Variants in PDE12 observed in about 807,000 individuals in gnomAD.
The protein encoded by PDE12 is 2',5'-phosphodiesterase 12.
PDE12 carries 26 observed loss-of-function variants against 45.4 expected under a neutral mutation model. The ratio of observed to expected loss-of-function variants is 0.57; its 90% CI spans 0.42 to 0.79. The LOEUF is 0.79. Among genes scored for constraint, PDE12 ranks in the 30% least tolerant of loss-of-function variants. The probability of loss-of-function intolerance (pLI) is 0.00; values close to 1 mark genes in which losing one functional copy is unlikely to be tolerated. For synonymous variants in PDE12, 283 were observed against 323.9 expected, an observed-to-expected ratio of 0.87 and a Z score of 1.36; for missense variants, 668 against 790.0, an observed-to-expected ratio of 0.85 and a Z score of 1.85.
the PDE12 span, among the ~76,000 whole-genome samples, chr3:57,624,910 T>A: frequency 6.6e-6 from 1 of 152,030 alleles, no homozygotes; most frequent in African/African-American, 2.4e-5. Context: ...CTAAAATAAT[T>A]ATTTTTTTGA....
the PDE12 span, among the ~76,000 whole-genome samples, chr3:57,580,642 T>G: frequency 6.6e-6 from 1 of 151,996 alleles, no homozygotes; most frequent in East Asian, 1.9e-4. Context: ...GATCCTCGTA[T>G]CATGGCCTCC....
the PDE12 span, among the ~76,000 whole-genome samples, chr3:57,620,751 C>T: frequency 3.3e-5 from 5 of 151,904 alleles, no homozygotes; most frequent in Admixed American, 2.0e-4. Flanking sequence ...AAATATGATA[C>T]GCTTAGAGAT....
the PDE12 span, chr3:57,628,689 A>G: frequency 5.0e-6 from 5 of 1,005,268 alleles, no homozygotes; most frequent in Non-Finnish European, 7.4e-6. Flanking sequence ...TCAATTGACC[A>G]ATTTCAAGCC....
the PDE12 span, among the ~76,000 whole-genome samples, chr3:57,590,624 A>G: frequency 1.3e-3 from 199 of 152,340 alleles, 3 homozygotes; most frequent in Admixed American, 0.012. Flanking sequence ...TATCTTTCAA[A>G]TTATCTACAA....
At chr3:57,603,329 GTTTATTT>G in the PDE12 span, among the ~76,000 whole-genome samples, 1 of 151,590 alleles carries the variant, frequency 6.6e-6, no homozygotes. Context: ...ATATTTTCAT[GTTTATTT>G]TTTATTTATT....
chr3:57,626,730 C>T, the PDE12 span: 3 of 152,186 alleles, frequency 2.0e-5, no homozygotes, highest in South Asian at 4.2e-4. Context: ...AAAGTGGCTT[C>T]TGTAGGATAC....
At chr3:57,573,420 CCAGTTT>C in the PDE12 span, among the ~76,000 whole-genome samples, 1 of 151,966 alleles carries the variant, frequency 6.6e-6, no homozygotes, top group South Asian at 2.1e-4. Context: ...ATTTTTTTGA[CCAGTTT>C]AATGTTGCAA....
At position 57,565,890 on chromosome 3, in the gene PDE12, T is replaced by A. The variant is rs748365848; in HGVS notation, c.*5886T>A. 3 of 152,132 alleles carry A rather than the reference T, an allele frequency of 2.0e-5. No individual in the cohort carries two copies. The highest frequency in any genetic ancestry group is 4.4e-5 in the Non-Finnish European group (3 of 68,030). 9.4% of individuals were successfully genotyped at this position (152,132 alleles called of 1,614,324 possible). A position where few individuals can be genotyped will look rare whatever the true frequency, so the allele number is the denominator to read the frequency against. On this transcript the variant is annotated 3_prime_UTR_variant, in exon 3 of 3. Coordinates refer to ENST00000311180, the MANE Select transcript of PDE12 (RefSeq NM_177966.7). ...TGGAATAGTTTGGAGAAATGGTACATCCAAAGATAAAATCAGTTAGAAATA... is the reference window on the plus strand; with the variant it reads ...TGGAATAGTTTGGAGAAATGGTACAACCAAAGATAAAATCAGTTAGAAATA...
rs1253064794 is a variant in PDE12 at position 57,556,657 on chromosome 3, A to T, written c.278A>T (p.Lys93Met). 1.2e-6 allele frequency: 2 copies of T among 1,600,398 alleles called. No individual in the cohort carries two copies. Among genetic ancestry groups the T allele is most frequent in the Non-Finnish European group, 8.5e-7 (1 of 1,170,420 alleles). The change falls in exon 1 of 3, where the codon AAG becomes ATG. Residue 93 changes from lysine to methionine, a missense_variant. This residue lies in a region of PDE12 where 580 missense variants were observed against 662.9 expected (regional missense o/e 0.87). Coordinates refer to ENST00000311180, the MANE Select transcript of PDE12 (RefSeq NM_177966.7). This position sits in a 1 kb window ranked among gnomAD's most constrained non-coding sequence, Gnocchi z 5.0. ...LKGHAKAAAA[K>M]KSRKSRPNAS... ...GGTCACGCTAAGGCGGCCGCCGCCA[A>T]GAAGAGCAGGAAGAGCCGGCCGAAT...
the PDE12 span, among the ~76,000 whole-genome samples, chr3:57,622,037 A>T: frequency 1.3e-5 from 2 of 152,056 alleles, no homozygotes; most frequent in Non-Finnish European, 2.9e-5. Context: ...TTAGCCAGGC[A>T]TGCTGGCGGG....
chr3:57,627,565 AAATC>A, the PDE12 span: 1 of 152,262 alleles, frequency 6.6e-6, no homozygotes, highest in Admixed American at 6.5e-5. Context: ...AAAATAATGA[AAATC>A]TATATGACAA....
At chr3:57,649,641 A>T in the PDE12 span, among the ~76,000 whole-genome samples, 13,427 of 102,526 alleles carry the variant, frequency 0.13, 771 homozygotes, top group African/African-American at 0.22. Flanking sequence ...AAAAAAAAAA[A>T]ATATATATAT....
At chr3:57,649,289 C>A in the PDE12 span, among the ~76,000 whole-genome samples, 1 of 152,090 alleles carries the variant, frequency 6.6e-6, no homozygotes, top group African/African-American at 2.4e-5. Flanking sequence ...AAATGCAAAT[C>A]AAACCCACAA....
At chr3:57,595,759 G>A in the PDE12 span, among the ~76,000 whole-genome samples, 3 of 152,192 alleles carry the variant, frequency 2.0e-5, no homozygotes, top group African/African-American at 7.2e-5. Flanking sequence ...GACCAGACTG[G>A]CCAACGTGGT....
chr3:57,612,234 C>A, the PDE12 span, among the ~76,000 whole-genome samples: 93 of 114,996 alleles, frequency 8.1e-4, no homozygotes, highest in African/African-American at 2.9e-3. Flanking sequence ...CACACCAGGG[C>A]CTGTTGTGGG....
chr3:57,634,485 G>T, the PDE12 span: 2 of 803,668 alleles, frequency 2.5e-6, no homozygotes, highest in Non-Finnish European at 1.8e-6. Flanking sequence ...TATACATAAA[G>T]GACATATTGC....
the PDE12 span, among the ~76,000 whole-genome samples, chr3:57,600,422 T>G: frequency 2.0e-5 from 3 of 150,490 alleles, no homozygotes; most frequent in Non-Finnish European, 4.4e-5. Flanking sequence ...CTTCCTTTCC[T>G]TTCCCTTTTC....
At chr3:57,576,513 T>C in the PDE12 span, among the ~76,000 whole-genome samples, 1 of 150,562 alleles carries the variant, frequency 6.6e-6, no homozygotes, top group African/African-American at 2.4e-5. Flanking sequence ...GCTTTTTTTT[T>C]TTTTTTTTTT....
the PDE12 span, among the ~76,000 whole-genome samples, chr3:57,642,418 G>A: frequency 6.6e-6 from 1 of 151,898 alleles, no homozygotes; most frequent in Non-Finnish European, 1.5e-5. Context: ...ACAGGAAGAC[G>A]TGAAAGATGA....
Sources: gnomAD v4.1 joint callset for allele counts (sites outside exome capture counted in the v4.1 genomes callset) on GRCh38, gnomAD v4.1.1 for gene constraint, gnomAD v4.1.1 regional missense constraint, Gnocchi (gnomAD v3.1) non-coding constraint, MANE v1.5 for transcripts, NCBI Gene and HGNC (gene_info 2026-07-23, HGNC 2026-07-21) for gene names.